PCDH7: variants seen among roughly 807,000 people sequenced by gnomAD.
PCDH7 encodes protocadherin-7.
A neutral mutation model predicts 58.9 loss-of-function variants in PCDH7; 17 were observed. The observed-to-expected ratio is 0.29, with a 90% CI of 0.20 to 0.43. The LOEUF (loss-of-function observed/expected upper bound fraction) is 0.43, where lower values mean the gene tolerates loss of function less well. Ranked by LOEUF, PCDH7 falls within the 20% of genes least tolerant of loss-of-function variation. The pLI, the probability that PCDH7 is intolerant of heterozygous loss-of-function variation, is 1.00. For synonymous variants in PCDH7, 664 were observed against 616.4 expected, an observed-to-expected ratio of 1.08 and a Z score of -1.14; for missense variants, 1,274 against 1,441.0, an observed-to-expected ratio of 0.88 and a Z score of 1.88.
chr4:31,053,017 G>A (rs1003132066), intron 3 of PCDH7, among the ~76,000 whole-genome samples: 4 of 151,236 alleles, frequency 2.6e-5, no homozygotes, highest in Non-Finnish European at 4.4e-5. Context: ...TTTTACCAGC[G>A]CTTTCTTTAA....
At chr4:30,757,014 G>A (rs952215718) in intron 1 of PCDH7, among the ~76,000 whole-genome samples, 2 of 152,086 alleles carry the variant, frequency 1.3e-5, no homozygotes, top group Non-Finnish European at 2.9e-5. Flanking sequence ...ATATCCAGGG[G>A]GTACTTCTAC....
chr4:30,966,942 A>G (rs1749049757), intron 3 of PCDH7, among the ~76,000 whole-genome samples: 1 of 152,182 alleles, frequency 6.6e-6, no homozygotes, highest in African/African-American at 2.4e-5. Flanking sequence ...TAAGCAATGC[A>G]TCAACTTCTC....
intron 1 of PCDH7, among the ~76,000 whole-genome samples, chr4:30,841,773 G>T (rs1194955497): frequency 6.6e-6 from 1 of 151,970 alleles, no homozygotes; most frequent in Non-Finnish European, 1.5e-5. Context: ...ACTTATCTTT[G>T]TCTCCTTATA....
At chr4:31,138,995 GAAAA>G in intron 3 of PCDH7, among the ~76,000 whole-genome samples, 1 of 149,116 alleles carries the variant, frequency 6.7e-6, no homozygotes, top group South Asian at 2.1e-4. Context: ...AAAAAGAAAA[GAAAA>G]AAAACTCTAC....
At chr4:30,895,723 C>G (rs749516740) in intron 1 of PCDH7, among the ~76,000 whole-genome samples, 7 of 152,084 alleles carry the variant, frequency 4.6e-5, no homozygotes, top group Non-Finnish European at 8.8e-5. Context: ...AACACTGATG[C>G]CAGTTGCTAG....
chr4:30,762,418 G>C (rs1466567622), intron 1 of PCDH7, among the ~76,000 whole-genome samples: 1 of 152,084 alleles, frequency 6.6e-6, no homozygotes, highest in African/African-American at 2.4e-5. Flanking sequence ...TCAAGAGCAA[G>C]ACTCTTAACA....
chr4:31,109,057 G>T (rs957416800), intron 3 of PCDH7, among the ~76,000 whole-genome samples: 3 of 152,146 alleles, frequency 2.0e-5, no homozygotes, highest in African/African-American at 7.2e-5. Flanking sequence ...CATCAGGCTG[G>T]CTCAGGCTTG....
chr4:30,876,455 C>T (rs1283316521), intron 1 of PCDH7, among the ~76,000 whole-genome samples: 1 of 151,870 alleles, frequency 6.6e-6, no homozygotes, highest in Non-Finnish European at 1.5e-5. Context: ...TAGTAAAAAA[C>T]AATAAAAACA....
intron 1 of PCDH7, among the ~76,000 whole-genome samples, chr4:30,851,619 A>G (rs952243149): frequency 6.6e-6 from 1 of 152,054 alleles, no homozygotes; most frequent in Non-Finnish European, 1.5e-5. Flanking sequence ...TATGACCAAA[A>G]TTAGATCATG....
intron 3 of PCDH7, among the ~76,000 whole-genome samples, chr4:31,086,309 A>G (rs1451333452): frequency 6.6e-6 from 1 of 152,162 alleles, no homozygotes. Flanking sequence ...CTAATTCTTG[A>G]CCTACAGCAT....
Position 31,099,805 on chromosome 4 carries a change from C to CAT in PCDH7, c.*8-42658_*8-42657dup, listed in dbSNP as rs59985639. Among the ~76,000 whole-genome samples, 229 of 152,036 alleles carry CAT rather than the reference C, an allele frequency of 1.5e-3. 2 individuals carry two copies. Among genetic ancestry groups the CAT allele is most frequent in the African/African-American group, 5.2e-3 (217 of 41,476 alleles). ...CAGATGACAACCCGAAATATACATA[C>CAT]ATATATATATAAAAGATTTGACGCG... On this transcript the variant is annotated intron_variant, in intron 3 of 3. Transcript: ENST00000509759.
chr4:30,749,097 C>T (rs7695188), intron 1 of PCDH7, among the ~76,000 whole-genome samples: 76,874 of 151,944 alleles, frequency 0.51, 19,906 homozygotes, highest in African/African-American at 0.62. Flanking sequence ...CAAATGCATT[C>T]GATTTATTCC....
Position 31,068,797 on chromosome 4 carries a change from C to T in PCDH7, c.*8-73676C>T, listed in dbSNP as rs185116222. On this transcript the variant is annotated intron_variant, in intron 3 of 3. Transcript: ENST00000509759. ...TTCTTTATCATTGTTTCCTTAGCTTCTGAATTTTTGTTCCAGGGATAGATT... is the reference window on the plus strand; with the variant it reads ...TTCTTTATCATTGTTTCCTTAGCTTTTGAATTTTTGTTCCAGGGATAGATT... Among the ~76,000 whole-genome samples the T allele has an allele frequency of 1.8e-4, 27 of 152,062 alleles. 2 individuals are homozygous for T. The highest frequency in any genetic ancestry group is 6.3e-4 in the African/African-American group (26 of 41,500).
chr4:30,851,770 A>G, intron 1 of PCDH7, among the ~76,000 whole-genome samples: 1 of 152,090 alleles, frequency 6.6e-6, no homozygotes, highest in Admixed American at 6.6e-5. Flanking sequence ...AATGGTTATC[A>G]TTAATTTTTC....
At chr4:30,763,228 AT>A (rs1720268090) in intron 1 of PCDH7, among the ~76,000 whole-genome samples, 1 of 152,244 alleles carries the variant, frequency 6.6e-6, no homozygotes, top group Non-Finnish European at 1.5e-5. Flanking sequence ...TCTCAAAAAA[AT>A]AAAAGCATAA....
intron 1 of PCDH7, among the ~76,000 whole-genome samples, chr4:30,802,030 G>A (rs565553701): frequency 1.3e-5 from 2 of 152,164 alleles, no homozygotes; most frequent in Non-Finnish European, 2.9e-5. Flanking sequence ...TCAAGGGAAA[G>A]CAGGGTGTCC....
intron 1 of PCDH7, among the ~76,000 whole-genome samples, chr4:30,813,315 G>A (rs1727242191): frequency 6.6e-6 from 1 of 152,170 alleles, no homozygotes; most frequent in Non-Finnish European, 1.5e-5. Context: ...TTAGTAAAAA[G>A]TGAACTGTTC....
chr4:30,813,971 ATTAT>A (rs1362776013), intron 1 of PCDH7, among the ~76,000 whole-genome samples: 1 of 152,178 alleles, frequency 6.6e-6, no homozygotes, highest in Admixed American at 6.5e-5. Flanking sequence ...AATTGGGTTA[ATTAT>A]TTGAAATAAT....
chr4:30,896,853 C>G (rs1467750027), intron 1 of PCDH7, among the ~76,000 whole-genome samples: 3 of 145,314 alleles, frequency 2.1e-5, no homozygotes, highest in Non-Finnish European at 4.5e-5. Context: ...GTAGCTAAAC[C>G]CTTTCCACTT....
Sources: gnomAD v4.1 joint callset for allele counts (sites outside exome capture counted in the v4.1 genomes callset) on GRCh38, gnomAD v4.1.1 for gene constraint, MANE v1.5 for transcripts, NCBI Gene and HGNC (gene_info 2026-07-23, HGNC 2026-07-21) for gene names.